Variants in WWTR1 observed in about 807,000 individuals in gnomAD.
WWTR1 encodes the protein WW domain-containing transcription regulator protein 1.
Under a neutral mutation model 40.1 loss-of-function variants are expected in WWTR1, and 13 were observed. The observed-to-expected ratio is 0.32, with a 90% CI of 0.21 to 0.52. WWTR1 has a LOEUF of 0.52. WWTR1 is among the 20% of genes least tolerant of loss of function. WWTR1 has a pLI of 0.97. For synonymous variants in WWTR1, 230 were observed against 210.1 expected, an observed-to-expected ratio of 1.09 and a Z score of -0.82; for missense variants, 436 against 523.1, an observed-to-expected ratio of 0.83 and a Z score of 1.63.
chr3:149,689,097 G>A (rs1714737991), intron 1 of WWTR1, among the ~76,000 whole-genome samples: 1 of 152,076 alleles, frequency 6.6e-6, no homozygotes, highest in African/African-American at 2.4e-5. Flanking sequence ...AAATACATGG[G>A]CATGCTTGGA....
intron 4 of WWTR1, among the ~76,000 whole-genome samples, chr3:149,528,971 A>G (rs1735454639): frequency 6.6e-6 from 1 of 152,242 alleles, no homozygotes; most frequent in South Asian, 2.1e-4. Flanking sequence ...GAGTCTATCC[A>G]AAAGGCTACA....
intron 1 of WWTR1, among the ~76,000 whole-genome samples, chr3:149,680,745 G>A (rs531612133): frequency 6.6e-6 from 1 of 152,210 alleles, no homozygotes; most frequent in Non-Finnish European, 1.5e-5. Context: ...AGGAGGCTGG[G>A]GTAGGAGGAT....
intron 2 of WWTR1, among the ~76,000 whole-genome samples, chr3:149,666,210 ATC>A (rs3044091): frequency 0.19 from 29,544 of 151,942 alleles, 3,100 homozygotes; most frequent in Admixed American, 0.3. Context: ...CTCTACTATT[ATC>A]TCTCTGTCTC....
chr3:149,637,762 G>A (rs1576614047), intron 2 of WWTR1, among the ~76,000 whole-genome samples: 1 of 152,186 alleles, frequency 6.6e-6, no homozygotes, highest in South Asian at 2.1e-4. Flanking sequence ...TGGAGTAGGA[G>A]GAGATCCCTT....
intron 2 of WWTR1, among the ~76,000 whole-genome samples, chr3:149,578,848 A>C (rs1476604343): frequency 6.6e-6 from 1 of 152,102 alleles, no homozygotes; most frequent in Non-Finnish European, 1.5e-5. Flanking sequence ...CCATTATTGC[A>C]CTCCAGCCTG....
rs562793929 is a variant in WWTR1, at chr3:149,563,951, G to T, written c.568+8913C>A. ...GTGTTTTTGGTGGAGACGGGGTTTC[G>T]CCATGTTGGCCAGGCTGGTCTCAAA... On this transcript the variant is annotated intron_variant, in intron 3 of 6. Coordinates refer to ENST00000360632, the MANE Select transcript of WWTR1 (RefSeq NM_015472.6). 3.0e-4 allele frequency among the ~76,000 whole-genome samples: 45 copies of T among 152,118 alleles called. No individual in the cohort carries two copies. In the Middle Eastern group the frequency reaches 0.01, roughly 34 times the overall value.
chr3:149,681,451 T>C (rs1714455295), intron 1 of WWTR1, among the ~76,000 whole-genome samples: 1 of 152,236 alleles, frequency 6.6e-6, no homozygotes, highest in Non-Finnish European at 1.5e-5. Context: ...CATTTTTTAA[T>C]ATACCTATTG....
chr3:149,612,408 A>G (rs1288221512), intron 2 of WWTR1, among the ~76,000 whole-genome samples: 1 of 151,958 alleles, frequency 6.6e-6, no homozygotes, highest in Non-Finnish European at 1.5e-5. Flanking sequence ...ACCAGTATAT[A>G]CTTTGGCAGT....
chr3:149,687,477 T>C (rs1310409027), intron 1 of WWTR1, among the ~76,000 whole-genome samples: 1 of 152,256 alleles, frequency 6.6e-6, no homozygotes, highest in Non-Finnish European at 1.5e-5. Flanking sequence ...CCATTAGGTA[T>C]ATCCAGACTT....
intron 2 of WWTR1, among the ~76,000 whole-genome samples, chr3:149,641,892 CCT>C (rs1373690571): frequency 1.2e-4 from 18 of 152,312 alleles, no homozygotes; most frequent in African/African-American, 4.1e-4. Context: ...AAGCACAGCC[CCT>C]GTCATCTTCA....
chr3:149,687,618 C>T (rs541828416), intron 1 of WWTR1, among the ~76,000 whole-genome samples: 4 of 152,274 alleles, frequency 2.6e-5, no homozygotes, highest in South Asian at 2.1e-4. Context: ...TTGAGTAATT[C>T]GCTCAAGATC....
At chr3:149,543,028 C>A (rs2278477) in intron 3 of WWTR1, among the ~76,000 whole-genome samples, 69,933 of 151,916 alleles carry the variant, frequency 0.46, 16,722 homozygotes, top group South Asian at 0.66. Flanking sequence ...AGATCAGGAG[C>A]CGACATATAA....
intron 2 of WWTR1, among the ~76,000 whole-genome samples, chr3:149,644,624 G>C (rs1318709496): frequency 6.6e-6 from 1 of 152,206 alleles, no homozygotes; most frequent in Non-Finnish European, 1.5e-5. Context: ...ACCCGGTCCT[G>C]AGGTTATGTG....
At chr3:149,701,991 G>C (rs1170656065) in intron 1 of WWTR1, 1 of 170,514 alleles carries the variant, frequency 5.9e-6, no homozygotes, top group Non-Finnish European at 1.3e-5. Context: ...TGTTTAGGGG[G>C]AAAATGAAAA....
intron 6 of WWTR1, among the ~76,000 whole-genome samples, chr3:149,523,967 G>A (rs895487125): frequency 3.9e-5 from 6 of 152,212 alleles, no homozygotes; most frequent in African/African-American, 1.4e-4. Context: ...ACTTAACCAG[G>A]TTAACGTGGC....
intron 2 of WWTR1, among the ~76,000 whole-genome samples, chr3:149,627,808 C>G (rs542690415): frequency 1.3e-5 from 2 of 152,322 alleles, no homozygotes; most frequent in African/African-American, 4.8e-5. Flanking sequence ...CGCGGTGGCT[C>G]ACGCCTGTAA....
At chr3:149,669,405 G>A (rs1354104628) in intron 2 of WWTR1, among the ~76,000 whole-genome samples, 1 of 152,170 alleles carries the variant, frequency 6.6e-6, no homozygotes, top group Non-Finnish European at 1.5e-5. Flanking sequence ...ATACCCATCT[G>A]AACTCAAAAG....
intron 3 of WWTR1, among the ~76,000 whole-genome samples, chr3:149,564,908 C>T (rs1351023059): frequency 2.6e-5 from 4 of 152,060 alleles, no homozygotes; most frequent in Admixed American, 2.0e-4. Flanking sequence ...TGTGGCTAGG[C>T]GCAGTGGCTC....
upstream of WWTR1, among the ~76,000 whole-genome samples, chr3:149,706,288 A>T (rs1010287675): frequency 2.0e-5 from 3 of 152,184 alleles, no homozygotes; most frequent in African/African-American, 7.2e-5. Flanking sequence ...ACATTTAAAT[A>T]TTTGTAAACC....
Sources: gnomAD v4.1 joint callset for allele counts (sites outside exome capture counted in the v4.1 genomes callset) on GRCh38, gnomAD v4.1.1 for gene constraint, MANE v1.5 for transcripts, NCBI Gene and HGNC (gene_info 2026-07-23, HGNC 2026-07-21) for gene names.